CSMD1: variants seen among roughly 807,000 people sequenced by gnomAD.
The protein encoded by CSMD1 is CUB and sushi domain-containing protein 1.
Under a neutral mutation model 417.5 loss-of-function variants are expected in CSMD1, and 213 were observed. That is an observed-to-expected ratio of 0.51 (90% CI 0.46 to 0.57). The LOEUF (loss-of-function observed/expected upper bound fraction) is 0.57. Among genes scored for constraint, CSMD1 ranks in the 20% least tolerant of loss-of-function variants. CSMD1 has a pLI of 0.00. For missense variants in CSMD1, 6,923 were observed against 4,529.7 expected (o/e 1.53, Z -15.17); for synonymous variants, 2,862 against 1,736.8 (o/e 1.65, Z -16.11).
chr8:4,721,642 T>C (rs1364953788), intron 1 of CSMD1, among the ~76,000 whole-genome samples: 4 of 152,066 alleles, frequency 2.6e-5, no homozygotes, highest in Non-Finnish European at 5.9e-5. Context: ...AATGGAAGAG[T>C]ATGGAGGTTC....
chr8:4,074,611 C>G (rs1268628652), intron 3 of CSMD1, among the ~76,000 whole-genome samples: 1 of 152,062 alleles, frequency 6.6e-6, no homozygotes, highest in African/African-American at 2.4e-5. Flanking sequence ...AAACTACTGT[C>G]CTACATTTGG....
intron 12 of CSMD1, among the ~76,000 whole-genome samples, chr8:3,436,233 A>G (rs1424933518): frequency 6.6e-6 from 1 of 152,240 alleles, no homozygotes; most frequent in Non-Finnish European, 1.5e-5. Context: ...ATTGAAAAAG[A>G]AAATTAAAAT....
chr8:4,812,577 T>G (rs1798970333), intron 1 of CSMD1, among the ~76,000 whole-genome samples: 1 of 152,008 alleles, frequency 6.6e-6, no homozygotes, highest in Non-Finnish European at 1.5e-5. Context: ...CAATTATATA[T>G]TAAAGTCAAT....
At chr8:3,762,094 C>G (rs1314398165) in intron 5 of CSMD1, among the ~76,000 whole-genome samples, 1 of 152,132 alleles carries the variant, frequency 6.6e-6, no homozygotes, top group Non-Finnish European at 1.5e-5. Context: ...TGAGCCCTCC[C>G]ACTCACTCCA....
intron 12 of CSMD1, among the ~76,000 whole-genome samples, chr8:3,452,766 G>C (rs184519452): frequency 3.3e-5 from 5 of 152,254 alleles, no homozygotes; most frequent in African/African-American, 1.2e-4. Context: ...AGGGATATTG[G>C]TCTAAAATTC....
At chr8:4,563,872 G>A (rs41470346) in intron 2 of CSMD1, among the ~76,000 whole-genome samples, 25,104 of 152,074 alleles carry the variant, frequency 0.17, 2,339 homozygotes, top group Non-Finnish European at 0.21. Flanking sequence ...TTGGAGTTGC[G>A]AAGTAACAAA....
At chr8:3,960,990 T>C (rs954359554) in intron 5 of CSMD1, among the ~76,000 whole-genome samples, 1 of 150,986 alleles carries the variant, frequency 6.6e-6, no homozygotes, top group Non-Finnish European at 1.5e-5. Context: ...AAAAATATAT[T>C]AAATTATCTG....
intron 3 of CSMD1, among the ~76,000 whole-genome samples, chr8:4,241,801 C>T (rs1036217432): frequency 1.3e-5 from 2 of 151,790 alleles, no homozygotes; most frequent in African/African-American, 4.8e-5. Flanking sequence ...AGCTCCACCT[C>T]CTGGGTTCAC....
intron 3 of CSMD1, among the ~76,000 whole-genome samples, chr8:4,244,448 T>G (rs1324553186): frequency 2.0e-5 from 3 of 152,168 alleles, no homozygotes; most frequent in Non-Finnish European, 1.5e-5. Flanking sequence ...GTCAAATAAT[T>G]TTTTAAAAAG....
At chr8:4,442,437 G>A (rs538691492) in intron 2 of CSMD1, among the ~76,000 whole-genome samples, 1 of 152,038 alleles carries the variant, frequency 6.6e-6, no homozygotes, top group Non-Finnish European at 1.5e-5. Flanking sequence ...ATAAAGCCCA[G>A]TTCTATAAAT....
chr8:3,671,919 G>C (rs141020719), intron 7 of CSMD1, among the ~76,000 whole-genome samples: 1 of 152,048 alleles, frequency 6.6e-6, no homozygotes, highest in Non-Finnish European at 1.5e-5. Flanking sequence ...TGTGTCGTTA[G>C]CCTGCTGGTC....
chr8:4,736,965 T>G (rs1382821454), intron 1 of CSMD1, among the ~76,000 whole-genome samples: 8 of 152,192 alleles, frequency 5.3e-5, no homozygotes, highest in Non-Finnish European at 8.8e-5. Flanking sequence ...CCATTATTTA[T>G]TCTCTCATGG....
Position 3,387,747 on chromosome 8 carries a change from C to G in CSMD1, c.2594-65G>C, listed in dbSNP as rs1811100758. On this transcript the variant is annotated intron_variant, in intron 17 of 69. Transcript: ENST00000635120. ...TGGTTGATTGAAAATAATAGAGACC[C>G]ACGCCATCAACTACGAAATAGTCTC... 6 of 1,306,472 alleles carry G rather than the reference C, an allele frequency of 4.6e-6. No individual in the cohort carries two copies. The East Asian group carries it at 7.6e-5, about 17-fold the overall frequency. 80.9% of individuals were successfully genotyped at this position (1,306,472 alleles called of 1,614,324 possible).
At chr8:4,016,079 C>T (rs2130468156) in intron 4 of CSMD1, among the ~76,000 whole-genome samples, 1 of 152,190 alleles carries the variant, frequency 6.6e-6, no homozygotes, top group African/African-American at 2.4e-5. Context: ...GAAAATCTAC[C>T]CATTAATATT....
chr8:4,455,955 A>AAAAAAAAAAAAAAAC (rs1799446789), intron 2 of CSMD1, among the ~76,000 whole-genome samples: 1 of 142,888 alleles, frequency 7.0e-6, no homozygotes, highest in Non-Finnish European at 1.5e-5. Context: ...AAAAAAAAAA[A>AAAAAAAAAAAAAAAC]AAAAAAAATG....
At chr8:4,373,744 G>A (rs1283785614) in intron 3 of CSMD1, among the ~76,000 whole-genome samples, 1 of 152,166 alleles carries the variant, frequency 6.6e-6, no homozygotes, top group African/African-American at 2.4e-5. Flanking sequence ...GGAACACTGT[G>A]CCATCTTATT....
chr8:4,829,832 C>A (rs532798897), intron 1 of CSMD1, among the ~76,000 whole-genome samples: 1 of 151,880 alleles, frequency 6.6e-6, no homozygotes, highest in African/African-American at 2.4e-5. Context: ...AGTCAGTGAT[C>A]GCTTTACCTT....
intron 1 of CSMD1, among the ~76,000 whole-genome samples, chr8:4,807,895 T>A (rs562592872): frequency 6.6e-6 from 1 of 152,282 alleles, no homozygotes; most frequent in East Asian, 1.9e-4. Context: ...AAGGTCTCCA[T>A]GAGGGAAGTA....
intron 26 of CSMD1, among the ~76,000 whole-genome samples, chr8:3,274,444 C>A (rs560214795): frequency 5.9e-5 from 9 of 152,080 alleles, no homozygotes; most frequent in Non-Finnish European, 1.0e-4. Context: ...TCTATTAGGT[C>A]CGCTTGGTGC....
Sources: allele counts gnomAD v4.1 joint callset (sites outside exome capture counted in the v4.1 genomes callset), GRCh38; gene constraint gnomAD v4.1.1; transcripts MANE v1.5; gene names NCBI Gene and HGNC (gene_info 2026-07-23, HGNC 2026-07-21).